PPM1E: variants seen among roughly 807,000 people sequenced by gnomAD.
The protein encoded by PPM1E is protein phosphatase, Mg2+/Mn2+ dependent 1E.
PPM1E carries 20 observed loss-of-function variants against 65.9 expected under a neutral mutation model. The observed-to-expected ratio is 0.30, with a 90% confidence interval of 0.21 to 0.44. PPM1E has a LOEUF of 0.44. Ranked by LOEUF, PPM1E falls within the 20% of genes least tolerant of loss-of-function variation. PPM1E has a pLI of 1.00. For missense variants in PPM1E, 713 were observed against 953.1 expected, an observed-to-expected ratio of 0.75 and a Z score of 3.32; for synonymous variants, 352 against 374.9, an observed-to-expected ratio of 0.94 and a Z score of 0.70.
At chr17:58,972,356 T>G in intron 5 of PPM1E, 81 bp downstream of exon 5, 1 of 432,948 alleles carries the variant, frequency 2.3e-6, no homozygotes, top group Non-Finnish European at 3.3e-6. Context: ...ATTCACTTAC[T>G]TTTTTTTTTT....
At position 58,780,141 on chromosome 17, in the gene PPM1E, T is replaced by C. The variant is rs2050037090; in HGVS notation, c.464+23680T>C. Among the ~76,000 whole-genome samples, 3 of 152,264 alleles carry C rather than the reference T, an allele frequency of 2.0e-5. No individual in the cohort carries two copies. In the South Asian group the frequency reaches 6.2e-4, roughly 31 times the overall value. The stretch of plus-strand genomic sequence containing the variant: ...TTGTTGAAATATAGGGTATGCATGC[T>C]TAAAATCTTTTCTTAAATTCTTCAA... On this transcript the variant is annotated intron_variant, in intron 1 of 6. Coordinates refer to ENST00000308249, the MANE Select transcript of PPM1E (RefSeq NM_014906.5).
chr17:58,983,244 G>T lies in PPM1E; in HGVS notation c.*2213G>T. The T allele has an allele frequency of 4.3e-6, 1 of 233,894 alleles. No homozygotes were observed. The highest frequency in any genetic ancestry group is 8.3e-6 in the Non-Finnish European group (1 of 120,772). The allele number at this position is 233,894 out of a possible 1,614,324, so 14.5% of individuals were successfully genotyped here. The stretch of plus-strand genomic sequence containing the variant: ...AAATAAAGCAAAGTAGTTCTAGTGT[G>T]GTCGTTATAAACCAATATTGTGAAA... On this transcript the variant is annotated 3_prime_UTR_variant, in exon 7 of 7. Coordinates refer to ENST00000308249, the MANE Select transcript of PPM1E (RefSeq NM_014906.5).
In PPM1E at chr17:58,895,949, C is replaced by CAA. The variant is rs34230027; in HGVS notation, c.465-59685_465-59684dup. Among the ~76,000 whole-genome samples, 485 of 127,776 alleles carry CAA rather than the reference C, an allele frequency of 3.8e-3. 4 individuals are homozygous for CAA. The highest frequency in any genetic ancestry group is 0.016 in the Middle Eastern group (4 of 254). 83.8% of individuals were successfully genotyped at this position (127,776 alleles called of 152,430 possible). Reference sequence around the variant, plus strand: ...TTAAACCCCGTCTCTGCTAAACATACAAAAAAAAAAAAAAAATTAGCTGGG... The same window carrying CAA: ...TTAAACCCCGTCTCTGCTAAACATACAAAAAAAAAAAAAAAAAATTAGCTGGG... On this transcript the variant is annotated intron_variant, in intron 1 of 6. Transcript: ENST00000308249.
chr17:58,942,162 G>A (rs1230842848), intron 1 of PPM1E, among the ~76,000 whole-genome samples: 1 of 152,176 alleles, frequency 6.6e-6, no homozygotes, highest in African/African-American at 2.4e-5. Flanking sequence ...GAGGCGGGAA[G>A]ATCGCTTGAG....
chr17:58,982,990 TAAA>T lies in PPM1E; in HGVS notation c.*1967_*1969del, dbSNP rs935848969. The T allele has an allele frequency of 2.1e-5, 27 of 1,259,804 alleles. No homozygotes were observed. The highest frequency in any genetic ancestry group is 5.4e-6 in the Non-Finnish European group (5 of 925,512). 78.0% of individuals were successfully genotyped at this position (1,259,804 alleles called of 1,614,324 possible). ...TTATAGTCCAAAGTGCTTAGCGAAG[TAAA>T]AAAAAAAGCTTTTTAAAATTTCTAT... On this transcript the variant is annotated 3_prime_UTR_variant, in exon 7 of 7. Transcript: ENST00000308249.
intron 1 of PPM1E, among the ~76,000 whole-genome samples, chr17:58,918,840 A>C (rs2051716929): frequency 6.6e-6 from 1 of 151,852 alleles, no homozygotes; most frequent in Non-Finnish European, 1.5e-5. Context: ...AGCTTCTAAA[A>C]AACTGAATAG....
At chr17:58,829,161 G>A (rs551301952) in intron 1 of PPM1E, among the ~76,000 whole-genome samples, 16 of 152,054 alleles carry the variant, frequency 1.1e-4, no homozygotes, top group African/African-American at 2.9e-4. Flanking sequence ...TCCTGCCTCA[G>A]TCTCCTGAGT....
chr17:58,902,660 T>C (rs1240733885), intron 1 of PPM1E, among the ~76,000 whole-genome samples: 4 of 152,210 alleles, frequency 2.6e-5, no homozygotes, highest in Admixed American at 2.6e-4. Flanking sequence ...AGTATTATAC[T>C]TTCTATGATG....
At chr17:58,768,464 CCTGA>C (rs2049904370) in intron 1 of PPM1E, among the ~76,000 whole-genome samples, 3 of 152,056 alleles carry the variant, frequency 2.0e-5, no homozygotes, top group African/African-American at 7.2e-5. Flanking sequence ...CATCCGCTTC[CCTGA>C]CTAACTAGAA....
chr17:58,978,230 C>A (rs2031139579), intron 6 of PPM1E, among the ~76,000 whole-genome samples: 1 of 152,196 alleles, frequency 6.6e-6, no homozygotes, highest in Admixed American at 6.5e-5. Flanking sequence ...CCCAGGCAGT[C>A]TGACACTAGT....
chr17:58,895,830 G>T (rs2051406210), intron 1 of PPM1E, among the ~76,000 whole-genome samples: 1 of 150,022 alleles, frequency 6.7e-6, no homozygotes, highest in Non-Finnish European at 1.5e-5. Flanking sequence ...AGGAGGCCGG[G>T]CGCAGTGGCT....
intron 1 of PPM1E, among the ~76,000 whole-genome samples, chr17:58,785,788 C>G (rs1224288770): frequency 6.6e-6 from 1 of 151,898 alleles, no homozygotes; most frequent in Non-Finnish European, 1.5e-5. Context: ...CGTTTCAGTT[C>G]ATGTTTTCCA....
At chr17:58,822,984 T>C (rs1009777472) in intron 1 of PPM1E, among the ~76,000 whole-genome samples, 2 of 152,228 alleles carry the variant, frequency 1.3e-5, no homozygotes, top group Non-Finnish European at 2.9e-5. Context: ...GAAAAAAATA[T>C]GTCAAGAGAG....
intron 2 of PPM1E, among the ~76,000 whole-genome samples, chr17:58,961,625 A>G (rs778652338): frequency 3.5e-4 from 53 of 152,174 alleles, no homozygotes; most frequent in Admixed American, 1.1e-3. Flanking sequence ...GAGGAAACTG[A>G]TATTACTTCC....
chr17:58,846,367 C>G (rs1340386566), intron 1 of PPM1E, among the ~76,000 whole-genome samples: 1 of 151,934 alleles, frequency 6.6e-6, no homozygotes, highest in African/African-American at 2.4e-5. Flanking sequence ...TGTGCTGCAC[C>G]CATTAACTCG....
chr17:58,928,573 C>T (rs1286877535), intron 1 of PPM1E, among the ~76,000 whole-genome samples: 1 of 151,968 alleles, frequency 6.6e-6, no homozygotes, highest in Non-Finnish European at 1.5e-5. Context: ...GATATAACCA[C>T]TTTGGAAAAA....
Position 58,979,958 on chromosome 17 carries a change from A to C in PPM1E, c.1211-16A>C. The C allele has an allele frequency of 1.3e-6, 2 of 1,599,462 alleles. No individual in the cohort carries two copies. Among genetic ancestry groups the C allele is most frequent in the Non-Finnish European group, 1.7e-6 (2 of 1,170,430 alleles). ...AAACAAATGCTAATGATGCCCCTACACTCTGCTTCCCGCAGGAGATGCTGA... is the reference window on the plus strand; with the variant it reads ...AAACAAATGCTAATGATGCCCCTACCCTCTGCTTCCCGCAGGAGATGCTGA... On this transcript the variant is annotated splice_polypyrimidine_tract_variant and intron_variant, in intron 6 of 6. Transcript: ENST00000308249.
At chr17:58,924,590 G>A (rs958506883) in intron 1 of PPM1E, among the ~76,000 whole-genome samples, 2 of 151,932 alleles carry the variant, frequency 1.3e-5, no homozygotes, top group African/African-American at 4.8e-5. Context: ...TTTAAGTTTC[G>A]GGATACAAGT....
chr17:58,798,660 CAA>C lies in PPM1E; in HGVS notation c.464+42201_464+42202del, dbSNP rs372347767. Reference sequence around the variant, plus strand: ...TAAACTTTTGCCTATCCCCAAGTTGCAAAGATATTTTCCTGTGTTTTCTGTTT... The same window carrying C: ...TAAACTTTTGCCTATCCCCAAGTTGCAGATATTTTCCTGTGTTTTCTGTTT... On this transcript the variant is annotated intron_variant, in intron 1 of 6. Coordinates refer to ENST00000308249, the MANE Select transcript of PPM1E (RefSeq NM_014906.5). Among the ~76,000 whole-genome samples, 141 of 151,320 alleles carry C rather than the reference CAA, an allele frequency of 9.3e-4. 1 individual carries two copies. Among genetic ancestry groups the C allele is most frequent in the African/African-American group, 3.3e-3 (138 of 41,256 alleles).
Sources: gnomAD v4.1 joint callset for allele counts (sites outside exome capture counted in the v4.1 genomes callset) on GRCh38, gnomAD v4.1.1 for gene constraint, MANE v1.5 for transcripts, NCBI Gene and HGNC (gene_info 2026-07-23, HGNC 2026-07-21) for gene names.